Variants in PEF1 observed in about 807,000 individuals in gnomAD.
PEF1 encodes peflin.
Under a neutral mutation model 32.0 loss-of-function variants are expected in PEF1, and 17 were observed. That is an observed-to-expected ratio of 0.53 (90% CI 0.36 to 0.80). The LOEUF is 0.80. Ranked by LOEUF, PEF1 falls within the 30% of genes least tolerant of loss-of-function variation. PEF1 has a pLI of 0.00. For synonymous variants in PEF1, 130 were observed against 139.8 expected, an observed-to-expected ratio of 0.93 and a Z score of 0.50; for missense variants, 362 against 369.1, an observed-to-expected ratio of 0.98 and a Z score of 0.16.
chr1:31,639,591 C>A (rs7529064), intron 1 of PEF1, among the ~76,000 whole-genome samples: 63,565 of 152,132 alleles, frequency 0.42, 15,830 homozygotes, highest in Non-Finnish European at 0.55. Context: ...AAGTAACCAG[C>A]GGCGGTGTGG....
In PEF1 at chr1:31,630,464, T is replaced by C. The variant is rs1640063282; in HGVS notation, c.*149A>G. ...CTATTTGGTGGCTATGATGCAGGACTCTCCACCCTCTTTTGGAACAGTGTT... is the reference window on the plus strand; with the variant it reads ...CTATTTGGTGGCTATGATGCAGGACCCTCCACCCTCTTTTGGAACAGTGTT... On this transcript the variant is annotated 3_prime_UTR_variant, in exon 5 of 5. Coordinates refer to ENST00000373703, the MANE Select transcript of PEF1 (RefSeq NM_012392.4). 2.4e-6 allele frequency: 2 copies of C among 835,690 alleles called. No homozygotes were observed. The highest frequency in any genetic ancestry group is 2.7e-5 in the East Asian group (1 of 37,396). 51.8% of individuals were successfully genotyped at this position (835,690 alleles called of 1,614,324 possible). A position where few individuals can be genotyped will look rare whatever the true frequency, so the allele number is the denominator to read the frequency against.
At chr1:31,644,477 C>T (rs985614835) in intron 1 of PEF1, 50 of 1,210,280 alleles carry the variant, frequency 4.1e-5, no homozygotes, top group East Asian at 8.2e-5. Flanking sequence ...CAAATGAGAT[C>T]GGCGGAACCA....
chr1:31,632,650 G>A lies in PEF1; in HGVS notation c.482-12C>T. On this transcript the variant is annotated splice_polypyrimidine_tract_variant and intron_variant, in intron 3 of 4. Transcript: ENST00000373703. ...CTTGTCAAACATGTCTGAAGGTGAG[G>A]AGGGAAAGGAGGGGAGGAAGGCTTC... The A allele has an allele frequency of 3.7e-6, 6 of 1,612,172 alleles. No individual in the cohort carries two copies. In the African/African-American group the frequency reaches 4.0e-5, roughly 11 times the overall value.
intron 1 of PEF1, among the ~76,000 whole-genome samples, chr1:31,643,632 T>C (rs1483791259): frequency 6.6e-6 from 1 of 152,218 alleles, no homozygotes; most frequent in African/African-American, 2.4e-5. Flanking sequence ...TGCATGCCGA[T>C]AGGGACTTCA....
intron 1 of PEF1, among the ~76,000 whole-genome samples, chr1:31,637,666 A>AAG (rs1557587862): frequency 4.7e-4 from 61 of 130,444 alleles, no homozygotes; most frequent in Non-Finnish European, 8.2e-4. Context: ...AAAAAAAAAA[A>AAG]AGAGAGAGAG....
intron 1 of PEF1, among the ~76,000 whole-genome samples, chr1:31,636,421 G>T (rs868540749): frequency 1.9e-4 from 29 of 152,110 alleles, no homozygotes; most frequent in Admixed American, 9.8e-4. Flanking sequence ...AGGCTACAGT[G>T]AGCCATGATC....
chr1:31,644,335 G>A, intron 1 of PEF1: 1 of 975,242 alleles, frequency 1.0e-6, no homozygotes, highest in Non-Finnish European at 1.2e-6. Context: ...TTTTCTACAC[G>A]CGAAATGGCG....
At chr1:31,635,945 C>T (rs1332406921) in intron 1 of PEF1, among the ~76,000 whole-genome samples, 1 of 152,198 alleles carries the variant, frequency 6.6e-6, no homozygotes, top group African/African-American at 2.4e-5. Flanking sequence ...ATCTGCAGAA[C>T]TCATGGGGCA....
At chr1:31,643,471 C>T (rs1473542028) in intron 1 of PEF1, among the ~76,000 whole-genome samples, 3 of 152,212 alleles carry the variant, frequency 2.0e-5, no homozygotes, top group Non-Finnish European at 2.9e-5. Flanking sequence ...CCGCACTGGC[C>T]TCTCTCTTTC....
chr1:31,644,761 CG>C, intron 1 of PEF1, 79 bp downstream of exon 1: 1 of 1,608,386 alleles, frequency 6.2e-7, no homozygotes, highest in Non-Finnish European at 8.5e-7. Flanking sequence ...GCGGAGAAAG[CG>C]GGGAGAAAGA....
intron 1 of PEF1, among the ~76,000 whole-genome samples, chr1:31,641,335 G>A (rs903793903): frequency 4.6e-5 from 7 of 152,046 alleles, no homozygotes; most frequent in Non-Finnish European, 1.0e-4. Context: ...CGTCAAAACC[G>A]GTATCCCTGC....
rs150804195 is a variant in PEF1, at chr1:31,631,115, C to T, written c.626-273G>A. On this transcript the variant is annotated intron_variant, in intron 4 of 4. Transcript: ENST00000373703. ...ACTGAGGCTCAGGGGATTGCAGAGACGACAACGGACTATCCGCAATCATCT... is the reference window on the plus strand; with the variant it reads ...ACTGAGGCTCAGGGGATTGCAGAGATGACAACGGACTATCCGCAATCATCT... Among the ~76,000 whole-genome samples the T allele has an allele frequency of 5.9e-5, 9 of 152,266 alleles. No homozygotes were observed. In the East Asian group the frequency reaches 9.7e-4, roughly 16 times the overall value.
chr1:31,644,676 G>T, intron 1 of PEF1, 165 bp downstream of exon 1: 1 of 1,474,198 alleles, frequency 6.8e-7, no homozygotes, highest in South Asian at 1.3e-5. Context: ...GACGTGAGCA[G>T]GGCGCGACCG....
At chr1:31,643,542 A>G (rs539122480) in intron 1 of PEF1, among the ~76,000 whole-genome samples, 12 of 152,102 alleles carry the variant, frequency 7.9e-5, no homozygotes, top group Admixed American at 4.6e-4. Context: ...CCTCACCCTC[A>G]CTTACTACGT....
At chr1:31,632,805 T>C (rs559733012) in intron 3 of PEF1, among the ~76,000 whole-genome samples, 167 bp from the exon 4 acceptor site, 1 of 152,226 alleles carries the variant, frequency 6.6e-6, no homozygotes, top group African/African-American at 2.4e-5. Context: ...ACATCAAGCG[T>C]TGCACCGTCC....
At chr1:31,633,806 T>G (rs1336191494) in intron 2 of PEF1, among the ~76,000 whole-genome samples, 1 of 151,872 alleles carries the variant, frequency 6.6e-6, no homozygotes, top group Admixed American at 6.6e-5. Flanking sequence ...AAATAGAAAA[T>G]TAGCCGGGCA....
chr1:31,635,696 C>A (rs1434328460), intron 1 of PEF1, among the ~76,000 whole-genome samples, 174 bp from the exon 2 acceptor site: 1 of 152,116 alleles, frequency 6.6e-6, no homozygotes, highest in Non-Finnish European at 1.5e-5. Flanking sequence ...AGAGGAGCAA[C>A]GAGTTACCCA....
In PEF1 at chr1:31,644,528, G is replaced by A. The variant is rs1640497601; in HGVS notation, c.24+313C>T. The A allele has an allele frequency of 7.5e-6, 10 of 1,341,142 alleles. No individual in the cohort carries two copies. The South Asian group carries it at 1.6e-4, about 22-fold the overall frequency. The allele number at this position is 1,341,142 out of a possible 1,614,324, so 83.1% of individuals were successfully genotyped here. ...GGTCATGGCTGATGCCCCCGCCCAAGGCCCCCATGAGGGCCTTGGGAGGCT... is the reference window on the plus strand; with the variant it reads ...GGTCATGGCTGATGCCCCCGCCCAAAGCCCCCATGAGGGCCTTGGGAGGCT... On this transcript the variant is annotated intron_variant, in intron 1 of 4. Coordinates refer to ENST00000373703, the MANE Select transcript of PEF1 (RefSeq NM_012392.4).
chr1:31,635,188 T>A (rs1640219513), intron 2 of PEF1, 34 bp downstream of exon 2: 1 of 1,607,914 alleles, frequency 6.2e-7, no homozygotes, highest in African/African-American at 1.3e-5. Flanking sequence ...CAGAACCACG[T>A]CAGAGGTACC....
Sources: allele counts gnomAD v4.1 joint callset (sites outside exome capture counted in the v4.1 genomes callset), GRCh38; gene constraint gnomAD v4.1.1; transcripts MANE v1.5; gene names NCBI Gene and HGNC (gene_info 2026-07-23, HGNC 2026-07-21).